GLIS3: variants seen among roughly 807,000 people sequenced by gnomAD.
GLIS3 encodes the protein zinc finger protein GLIS3.
In GLIS3, 53 loss-of-function variants were observed where a neutral mutation model predicts 78.6. The observed-to-expected ratio is 0.67, with a 90% CI of 0.54 to 0.85. The LOEUF (loss-of-function observed/expected upper bound fraction) is 0.85. GLIS3 is among the 40% of genes least tolerant of loss of function. The pLI is 0.00. For missense variants in GLIS3, 1,703 were observed against 1,231.1 expected, an observed-to-expected ratio of 1.38 and a Z score of -5.74; for synonymous variants, 684 against 509.9, an observed-to-expected ratio of 1.34 and a Z score of -4.60.
intron 4 of GLIS3, among the ~76,000 whole-genome samples, chr9:4,103,062 A>T (rs1830491984): frequency 6.6e-6 from 1 of 152,184 alleles, no homozygotes. Context: ...GGAGCCAATG[A>T]AGTTTTATTG....
intron 2 of GLIS3, among the ~76,000 whole-genome samples, chr9:4,196,776 C>A (rs948988008): frequency 7.2e-5 from 11 of 152,318 alleles, no homozygotes; most frequent in African/African-American, 2.4e-4. Context: ...GTCAGTGAGA[C>A]CAAGAACCCC....
Position 3,848,339 on chromosome 9 carries a change from A to G in GLIS3, c.2473+7670T>C, listed in dbSNP as rs185358683. On this transcript the variant is annotated intron_variant, in intron 9 of 10. Coordinates refer to ENST00000381971, the MANE Select transcript of GLIS3 (RefSeq NM_001042413.2). The stretch of plus-strand genomic sequence containing the variant: ...AACATGGTGAAACCCCGTCTCTACT[A>G]AAAATACAAAAAATTAGCTGGGCGT... 2.8e-3 allele frequency among the ~76,000 whole-genome samples: 421 copies of G among 152,086 alleles called. 2 individuals are homozygous for G. The highest frequency in any genetic ancestry group is 4.3e-3 in the Non-Finnish European group (291 of 67,974).
the GLIS3 span, among the ~76,000 whole-genome samples, chr9:4,432,572 G>A: frequency 6.6e-6 from 1 of 151,584 alleles, no homozygotes; most frequent in Non-Finnish European, 1.5e-5. Context: ...ATATACACAA[G>A]CCTTGTGTTC....
At chr9:4,477,523 T>A in the GLIS3 span, among the ~76,000 whole-genome samples, 1 of 151,836 alleles carries the variant, frequency 6.6e-6, no homozygotes, top group Non-Finnish European at 1.5e-5. Flanking sequence ...CAAGTGATCC[T>A]CCCCCCTCGG....
intron 2 of GLIS3, among the ~76,000 whole-genome samples, chr9:4,131,839 G>A (rs72687995): frequency 1.7e-3 from 260 of 152,158 alleles, no homozygotes; most frequent in Middle Eastern, 3.4e-3. Flanking sequence ...TATCAAGCAC[G>A]CAGTAGGTAC....
chr9:3,898,872 A>G, intron 6 of GLIS3, 37 bp from the exon 7 acceptor site: 3 of 1,612,850 alleles, frequency 1.9e-6, no homozygotes, highest in Non-Finnish European at 2.5e-6. Context: ...CGATAAGGAG[A>G]GCCGGTCCTT....
chr9:4,378,099 G>T, the GLIS3 span, among the ~76,000 whole-genome samples: 1 of 152,106 alleles, frequency 6.6e-6, no homozygotes, highest in African/African-American at 2.4e-5. Context: ...GAAGACTTTG[G>T]AGATAGTAAA....
intron 4 of GLIS3, among the ~76,000 whole-genome samples, chr9:4,045,308 T>C (rs1191330118): frequency 6.6e-6 from 1 of 152,092 alleles, no homozygotes; most frequent in Non-Finnish European, 1.5e-5. Flanking sequence ...TGCAGGAAGA[T>C]GAAGTGTTCT....
At chr9:4,345,102 G>T (rs539973188) in intron 2 of GLIS3, among the ~76,000 whole-genome samples, 1 of 152,056 alleles carries the variant, frequency 6.6e-6, no homozygotes, top group Non-Finnish European at 1.5e-5. Context: ...TCAAGTCTCC[G>T]CAAGTTTCCC....
At chr9:4,191,416 C>G (rs1045354653) in intron 2 of GLIS3, among the ~76,000 whole-genome samples, 3 of 152,262 alleles carry the variant, frequency 2.0e-5, no homozygotes, top group Admixed American at 2.0e-4. Flanking sequence ...GAAATAAAAT[C>G]TGGACATAAA....
At chr9:3,852,833 C>T (rs1338089628) in intron 9 of GLIS3, among the ~76,000 whole-genome samples, 1 of 152,158 alleles carries the variant, frequency 6.6e-6, no homozygotes, top group Non-Finnish European at 1.5e-5. Context: ...TCTCAATTTG[C>T]CTAACTATAT....
intron 2 of GLIS3, among the ~76,000 whole-genome samples, chr9:4,164,192 G>C (rs957154067): frequency 6.6e-6 from 1 of 152,164 alleles, no homozygotes; most frequent in Admixed American, 6.5e-5. Context: ...ATTACATCCT[G>C]ACTCTGACAA....
intron 5 of GLIS3, among the ~76,000 whole-genome samples, chr9:3,935,414 C>T (rs1393913631): frequency 6.6e-6 from 1 of 151,880 alleles, no homozygotes; most frequent in East Asian, 1.9e-4. Context: ...ATTAGGTAGC[C>T]TTCCTCAAAA....
intron 2 of GLIS3, among the ~76,000 whole-genome samples, chr9:4,346,226 A>C (rs10974483): frequency 6.6e-6 from 1 of 152,054 alleles, no homozygotes; most frequent in Non-Finnish European, 1.5e-5. Flanking sequence ...ATCCAATAAG[A>C]TTAGAAATAA....
At chr9:4,041,264 T>C (rs928748629) in intron 4 of GLIS3, among the ~76,000 whole-genome samples, 1 of 152,186 alleles carries the variant, frequency 6.6e-6, no homozygotes, top group African/African-American at 2.4e-5. Flanking sequence ...AGTGGAAGTT[T>C]GCTACCGGCC....
At chr9:4,298,713 G>A (rs748611721) in intron 1 of GLIS3, among the ~76,000 whole-genome samples, 2 of 152,166 alleles carry the variant, frequency 1.3e-5, no homozygotes, top group Non-Finnish European at 2.9e-5. Context: ...CGAACCCGGC[G>A]GGGAGGGTTC....
the GLIS3 span, among the ~76,000 whole-genome samples, chr9:4,470,396 C>G: frequency 6.6e-6 from 1 of 152,288 alleles, no homozygotes; most frequent in African/African-American, 2.4e-5. Context: ...CATCAAAAAG[C>G]TTATCCACCA....
chr9:3,990,822 T>C lies in GLIS3; in HGVS notation c.1711-53633A>G, dbSNP rs1362966822. On this transcript the variant is annotated intron_variant, in intron 4 of 10. Coordinates refer to ENST00000381971, the MANE Select transcript of GLIS3 (RefSeq NM_001042413.2). ...TAAATTTTCTACAAATTAAATTTCA[T>C]ACAAATTTAATGACAGAACTGATTT... Among the ~76,000 whole-genome samples, 4 of 152,196 alleles carry C rather than the reference T, an allele frequency of 2.6e-5. No homozygotes were observed. The South Asian group carries it at 6.2e-4, about 24-fold the overall frequency.
At chr9:4,436,790 G>C in the GLIS3 span, among the ~76,000 whole-genome samples, 15 of 123,810 alleles carry the variant, frequency 1.2e-4, 1 homozygote, top group Admixed American at 1.3e-3. Context: ...TCCAGCCTGG[G>C]CAAGAGTGAG....
Sources: allele counts gnomAD v4.1 joint callset (sites outside exome capture counted in the v4.1 genomes callset), GRCh38; gene constraint gnomAD v4.1.1; transcripts MANE v1.5; gene names NCBI Gene and HGNC (gene_info 2026-07-23, HGNC 2026-07-21).